Variants in RPRD1A observed in about 807,000 individuals in gnomAD.
The protein encoded by RPRD1A is regulation of nuclear pre-mRNA domain containing 1A, also known as regulation of nuclear pre-mRNA domain-containing protein 1A.
In RPRD1A, 9 loss-of-function variants were observed where a neutral mutation model predicts 37.8. The observed-to-expected ratio is 0.24, with a 90% CI of 0.14 to 0.42. The LOEUF is 0.42. Among genes scored for constraint, RPRD1A ranks in the 10% least tolerant of loss-of-function variants. The pLI, the probability that RPRD1A is intolerant of heterozygous loss-of-function variation, is 1.00. For missense variants in RPRD1A, 255 were observed against 371.0 expected (o/e 0.69, Z 2.57); for synonymous variants, 138 against 139.7 (o/e 0.99, Z 0.08).
chr18:35,994,291 T>G (rs1431496360), intron 6 of RPRD1A, among the ~76,000 whole-genome samples: 1 of 151,808 alleles, frequency 6.6e-6, no homozygotes, highest in African/African-American at 2.4e-5. Flanking sequence ...TCCTAGAGAG[T>G]GCATAGATGA....
rs370259374 is a variant in RPRD1A, at chr18:36,027,043, C to G, written c.646G>C (p.Val216Leu). The G allele has an allele frequency of 2.5e-6, 4 of 1,613,980 alleles. No individual in the cohort carries two copies. The highest frequency in any genetic ancestry group is 2.5e-6 in the Non-Finnish European group (3 of 1,179,880). The change falls in exon 6 of 7, where the codon GTA becomes CTA. Residue 216 changes from valine to leucine, a missense_variant. By Grantham distance (32) the Val-to-Leu change is conservative. Transcript: ENST00000399022. ...GCCAGCAACATACACGCATCCTCTA[C>G]CATTTTGGAAAGCCTTTCTCCAGAT... ...KESGERLSKM[V>L]EDACMLLADY...
intron 6 of RPRD1A, among the ~76,000 whole-genome samples, chr18:36,014,134 A>G (rs941606703): frequency 6.6e-6 from 1 of 152,218 alleles, no homozygotes; most frequent in Admixed American, 6.5e-5. Context: ...ATTTCTTTAA[A>G]AAGCTTATAA....
At chr18:35,995,380 C>T (rs548497971) in intron 6 of RPRD1A, among the ~76,000 whole-genome samples, 54 of 151,178 alleles carry the variant, frequency 3.6e-4, no homozygotes, top group African/African-American at 1.1e-3. Context: ...TCTCCTGCCT[C>T]GGCCTCCTGA....
chr18:36,052,523 A>T (rs759818661), intron 1 of RPRD1A, among the ~76,000 whole-genome samples: 11 of 152,180 alleles, frequency 7.2e-5, no homozygotes, highest in Admixed American at 7.2e-4. Flanking sequence ...GTACTTTGTG[A>T]TAACATAAAA....
At chr18:36,040,766 A>AGT in intron 1 of RPRD1A, 1 of 1,226,090 alleles carries the variant, frequency 8.2e-7, no homozygotes, top group Non-Finnish European at 1.1e-6. Context: ...TTTTTAGGCA[A>AGT]GTGGTACTTA....
chr18:36,029,576 A>G (rs1209179031), intron 4 of RPRD1A, among the ~76,000 whole-genome samples: 1 of 151,284 alleles, frequency 6.6e-6, no homozygotes, highest in East Asian at 1.9e-4. Flanking sequence ...TGTCCCGCCT[A>G]CATGTTTGAA....
chr18:35,993,528 AAAG>A (rs1425379445), intron 6 of RPRD1A, among the ~76,000 whole-genome samples: 2 of 152,272 alleles, frequency 1.3e-5, no homozygotes, highest in African/African-American at 4.8e-5. Flanking sequence ...ACACCAGTAG[AAAG>A]AAGACTAACA....
chr18:36,025,478 A>G (rs77141393), intron 6 of RPRD1A: 29,132 of 427,492 alleles, frequency 0.068, 1,104 homozygotes, highest in Middle Eastern at 0.1. Flanking sequence ...TTACACTTCA[A>G]ATATAAATTC....
chr18:36,019,057 T>G (rs1025010106), intron 6 of RPRD1A, among the ~76,000 whole-genome samples: 90 of 151,150 alleles, frequency 6.0e-4, no homozygotes, highest in Non-Finnish European at 1.1e-3. Context: ...GGTTAAATGG[T>G]GTCTGAGTTC....
At chr18:36,037,837 C>T (rs1293474415) in intron 1 of RPRD1A, among the ~76,000 whole-genome samples, 1 of 152,150 alleles carries the variant, frequency 6.6e-6, no homozygotes, top group African/African-American at 2.4e-5. Flanking sequence ...GCTTTAGCAA[C>T]AAGACGGGCA....
Position 36,004,024 on chromosome 18 carries a change from T to G in RPRD1A, c.790-10724A>C, listed in dbSNP as rs995102749. Among the ~76,000 whole-genome samples the G allele has an allele frequency of 2.1e-4, 29 of 138,166 alleles. No individual in the cohort carries two copies. The East Asian group carries it at 5.3e-3, about 25-fold the overall frequency. The allele number at this position is 138,166 out of a possible 152,430, so 90.6% of individuals were successfully genotyped here. On this transcript the variant is annotated intron_variant, in intron 6 of 6. Coordinates refer to ENST00000399022, the MANE Select transcript of RPRD1A (RefSeq NM_018170.5). Reference sequence around the variant, plus strand: ...ACTTTTTTTTTTTTTTTTTTTTTTTTGTAGAGACTGGGTTTCGCCATGTTG... The same window carrying G: ...ACTTTTTTTTTTTTTTTTTTTTTTTGGTAGAGACTGGGTTTCGCCATGTTG...
rs184341601 is a variant in RPRD1A, at chr18:36,046,332, G to A, written c.152-12495C>T. Among the ~76,000 whole-genome samples, 501 of 152,036 alleles carry A rather than the reference G, an allele frequency of 3.3e-3. 3 individuals carry two copies. The highest frequency in any genetic ancestry group is 5.0e-3 in the Non-Finnish European group (341 of 67,988). On this transcript the variant is annotated intron_variant, in intron 1 of 6. Transcript: ENST00000399022. ...AGCAATAAAGAAACACTCCCCACTG[G>A]GCTGTATCACAGGAGGCCTAGTGGA... is the stretch of plus-strand genomic sequence containing the variant.
At chr18:36,014,796 G>A (rs1390078387) in intron 6 of RPRD1A, among the ~76,000 whole-genome samples, 1 of 152,032 alleles carries the variant, frequency 6.6e-6, no homozygotes, top group Non-Finnish European at 1.5e-5. Flanking sequence ...GACTTGAATA[G>A]ACATTTCTCC....
intron 6 of RPRD1A, among the ~76,000 whole-genome samples, chr18:36,000,445 T>G (rs1909345560): frequency 6.6e-6 from 1 of 152,212 alleles, no homozygotes; most frequent in South Asian, 2.1e-4. Flanking sequence ...AAATCCACTA[T>G]TGCAGAGTTT....
intron 6 of RPRD1A, among the ~76,000 whole-genome samples, chr18:36,008,634 A>G (rs1909969399): frequency 1.6e-5 from 2 of 126,572 alleles, no homozygotes; most frequent in East Asian, 2.3e-4. Context: ...CCCTCATGGT[A>G]TATCAATTTT....
chr18:36,048,791 A>G (rs1313186328), intron 1 of RPRD1A, among the ~76,000 whole-genome samples: 1 of 152,190 alleles, frequency 6.6e-6, no homozygotes, highest in Non-Finnish European at 1.5e-5. Context: ...ACAATAGGGC[A>G]AGAAAAGGAA....
At chr18:36,031,141 CA>C (rs1301749220) in intron 2 of RPRD1A, 44 bp from the exon 3 acceptor site, 1 of 1,472,552 alleles carries the variant, frequency 6.8e-7, no homozygotes, top group Admixed American at 2.7e-5. Flanking sequence ...TTAACAGTAA[CA>C]ATGCATAGTG....
intron 6 of RPRD1A, among the ~76,000 whole-genome samples, chr18:36,015,104 CCAA>C (rs1910423891): frequency 6.7e-6 from 1 of 149,458 alleles, no homozygotes; most frequent in African/African-American, 2.5e-5. Flanking sequence ...GTAAATGCCC[CCAA>C]CAAGTTGAAA....
intron 1 of RPRD1A, among the ~76,000 whole-genome samples, chr18:36,065,428 T>C (rs2089010315): frequency 6.6e-6 from 1 of 152,226 alleles, no homozygotes; most frequent in African/African-American, 2.4e-5. Context: ...CACAATTTAT[T>C]TGTCCATTCT....
Sources: gnomAD v4.1 joint callset for allele counts (sites outside exome capture counted in the v4.1 genomes callset) on GRCh38, gnomAD v4.1.1 for gene constraint, MANE v1.5 for transcripts, NCBI Gene and HGNC (gene_info 2026-07-23, HGNC 2026-07-21) for gene names.